TENM3: variants seen among roughly 807,000 people sequenced by gnomAD.
TENM3 encodes the protein teneurin transmembrane protein 3.
A neutral mutation model predicts 255.1 loss-of-function variants in TENM3; 63 were observed. That is an observed-to-expected ratio of 0.25 (90% CI 0.20 to 0.30). The LOEUF is 0.30. Among genes scored for constraint, TENM3 ranks in the 10% least tolerant of loss-of-function variants. TENM3 has a pLI of 1.00. For missense variants in TENM3, 2,929 were observed against 3,461.1 expected, an observed-to-expected ratio of 0.85 and a Z score of 3.86; for synonymous variants, 1,306 against 1,322.3, an observed-to-expected ratio of 0.99 and a Z score of 0.27.
chr4:181,755,524 G>T, the TENM3 span, among the ~76,000 whole-genome samples: 1 of 152,082 alleles, frequency 6.6e-6, no homozygotes, highest in Admixed American at 6.6e-5. Context: ...CACATACTGT[G>T]CTAGATGGCT....
the TENM3 span, among the ~76,000 whole-genome samples, chr4:181,863,730 C>T: frequency 6.6e-6 from 1 of 152,028 alleles, no homozygotes; most frequent in Admixed American, 6.6e-5. Context: ...TAACTTCCAT[C>T]TCTTTATGGA....
the TENM3 span, among the ~76,000 whole-genome samples, chr4:181,623,869 A>G: frequency 6.6e-6 from 1 of 152,242 alleles, no homozygotes; most frequent in Non-Finnish European, 1.5e-5. Context: ...AATATGATGC[A>G]TAGAAAATGT....
At chr4:181,860,317 C>G in the TENM3 span, among the ~76,000 whole-genome samples, 3 of 152,132 alleles carry the variant, frequency 2.0e-5, no homozygotes, top group African/African-American at 7.2e-5. Context: ...TCTCTCCGCC[C>G]TCCCAGTTGG....
At chr4:181,811,648 C>T in the TENM3 span, among the ~76,000 whole-genome samples, 15 of 152,276 alleles carry the variant, frequency 9.9e-5, no homozygotes, top group South Asian at 1.4e-3. Flanking sequence ...AGCAAAAGGG[C>T]GTCTTACATG....
the TENM3 span, among the ~76,000 whole-genome samples, chr4:181,963,848 GTGTGT>G: frequency 3.9e-5 from 6 of 152,104 alleles, no homozygotes; most frequent in Admixed American, 2.0e-4. Flanking sequence ...AAAGAGTCCC[GTGTGT>G]TGTAAGTAAT....
the TENM3 span, among the ~76,000 whole-genome samples, chr4:181,928,867 G>A: frequency 3.3e-5 from 5 of 152,280 alleles, no homozygotes; most frequent in East Asian, 9.7e-4. Flanking sequence ...GAGAGTGGGG[G>A]CCAATATTCA....
At chr4:182,798,891 C>T (rs1453192422) in intron 27 of TENM3, among the ~76,000 whole-genome samples, 1 of 152,196 alleles carries the variant, frequency 6.6e-6, no homozygotes, top group Non-Finnish European at 1.5e-5. Context: ...GCCAGACAAA[C>T]ATCTGGTGGT....
chr4:182,653,686 T>C, intron 5 of TENM3, 85 bp from the exon 6 acceptor site: 1 of 1,413,682 alleles, frequency 7.1e-7, no homozygotes, highest in East Asian at 2.5e-5. Context: ...ACTTTACATA[T>C]GACTCTTGTT....
At chr4:182,656,883 T>G (rs1438114715) in intron 6 of TENM3, among the ~76,000 whole-genome samples, 1 of 152,190 alleles carries the variant, frequency 6.6e-6, no homozygotes, top group Non-Finnish European at 1.5e-5. Context: ...TTATATGCCA[T>G]CATCCTTTAC....
intron 4 of TENM3, among the ~76,000 whole-genome samples, chr4:182,611,175 C>G (rs914498985): frequency 6.6e-5 from 10 of 151,864 alleles, no homozygotes; most frequent in Non-Finnish European, 1.0e-4. Flanking sequence ...TAGTAATGAT[C>G]TCCAAAAAAT....
At chr4:182,233,533 C>A (rs1230389276) in intron 1 of TENM3, among the ~76,000 whole-genome samples, 1 of 152,212 alleles carries the variant, frequency 6.6e-6, no homozygotes, top group African/African-American at 2.4e-5. Context: ...CATACACTTA[C>A]AAAACTGTAT....
At chr4:182,527,354 C>G (rs1739305375) in intron 3 of TENM3, among the ~76,000 whole-genome samples, 1 of 151,886 alleles carries the variant, frequency 6.6e-6, no homozygotes, top group East Asian at 1.9e-4. Context: ...GGTGCTATAC[C>G]TAATTACAGA....
rs543555104 is a variant in TENM3, at chr4:182,530,518, T to C, written c.512-70406T>C. Among the ~76,000 whole-genome samples, 3 of 152,332 alleles carry C rather than the reference T, an allele frequency of 2.0e-5. No homozygotes were observed. The East Asian group carries it at 5.8e-4, about 29-fold the overall frequency. ...CGAGTAGAGTTCCTCGTCTTAGTAC[T>C]AGCGACATTTCGAGCCCACAGGTAT... On this transcript the variant is annotated intron_variant, in intron 3 of 27. Coordinates refer to ENST00000511685, the MANE Select transcript of TENM3 (RefSeq NM_001080477.4).
chr4:182,741,667 A>ATTCT lies in TENM3; in HGVS notation c.3380-1500_3380-1497dup, dbSNP rs1240747235. ...GAAGAATCTTAGATATCACTAATGC[A>ATTCT]TTCTTTGAATATTCAAGGCAAAATG... On this transcript the variant is annotated intron_variant, in intron 18 of 27. Transcript: ENST00000511685. Among the ~76,000 whole-genome samples the ATTCT allele has an allele frequency of 2.0e-5, 3 of 152,352 alleles. No homozygotes were observed. The East Asian group carries it at 5.8e-4, about 29-fold the overall frequency.
At chr4:182,042,569 A>G in the TENM3 span, among the ~76,000 whole-genome samples, 1 of 152,206 alleles carries the variant, frequency 6.6e-6, no homozygotes, top group Non-Finnish European at 1.5e-5. Context: ...ATTTTAATAC[A>G]AAATTTAGCA....
intron 1 of TENM3, among the ~76,000 whole-genome samples, chr4:182,175,415 G>T (rs1337757202): frequency 3.3e-5 from 5 of 151,110 alleles, no homozygotes; most frequent in Non-Finnish European, 7.4e-5. Flanking sequence ...TTTTTCAGTG[G>T]TATTCTTTTC....
the TENM3 span, among the ~76,000 whole-genome samples, chr4:181,904,242 G>A: frequency 2.0e-5 from 3 of 151,906 alleles, no homozygotes; most frequent in African/African-American, 4.8e-5. Context: ...CATGATCTAC[G>A]GAGGATCTAA....
the TENM3 span, among the ~76,000 whole-genome samples, chr4:182,100,622 C>CACACATATATATACACACATATATAT: frequency 3.1e-4 from 16 of 51,846 alleles, no homozygotes; most frequent in South Asian, 7.9e-4. Context: ...CATATATATA[C>CACACATATATATACACACATATATAT]ACACACATAT....
intron 1 of TENM3, among the ~76,000 whole-genome samples, chr4:182,229,240 GC>G (rs1449862204): frequency 2.0e-5 from 3 of 151,992 alleles, no homozygotes; most frequent in African/African-American, 7.3e-5. Context: ...TTATGTTGAG[GC>G]GAGGACTTGG....
Sources: gnomAD v4.1 joint callset for allele counts (sites outside exome capture counted in the v4.1 genomes callset) on GRCh38, gnomAD v4.1.1 for gene constraint, MANE v1.5 for transcripts, NCBI Gene and HGNC (gene_info 2026-07-23, HGNC 2026-07-21) for gene names.